The following CMIP variants were observed in gnomAD, a reference collection of about 807,000 sequenced individuals.
The protein encoded by CMIP is c-Maf inducing protein, also known as C-Maf-inducing protein.
Under a neutral mutation model 97.3 loss-of-function variants are expected in CMIP, and 13 were observed. The observed-to-expected ratio is 0.13, with a 90% CI of 0.09 to 0.21. CMIP has a LOEUF of 0.21. Among genes scored for constraint, CMIP ranks in the 10% least tolerant of loss-of-function variants. CMIP has a pLI of 1.00. For synonymous variants in CMIP, 538 were observed against 436.3 expected (o/e 1.23, Z -2.91); for missense variants, 847 against 1,024.9 (o/e 0.83, Z 2.37).
intron 1 of CMIP, among the ~76,000 whole-genome samples, chr16:81,586,108 T>C (rs964589432): frequency 4.2e-5 from 6 of 143,948 alleles, no homozygotes; most frequent in African/African-American, 1.5e-4. Context: ...CTTTTTTTTT[T>C]CCAGAAAGGA....
At chr16:81,694,379 A>G (rs769643573) in intron 13 of CMIP, among the ~76,000 whole-genome samples, 5 of 152,182 alleles carry the variant, frequency 3.3e-5, no homozygotes, top group Non-Finnish European at 5.9e-5. Flanking sequence ...GTTCCTCTCC[A>G]TAGAGCCATC....
chr16:81,568,770 G>A (rs570912939), intron 1 of CMIP, among the ~76,000 whole-genome samples: 8 of 152,332 alleles, frequency 5.3e-5, no homozygotes, highest in East Asian at 1.9e-4. Flanking sequence ...ACCCTTGAGC[G>A]TGGAAAAGCA....
intron 1 of CMIP, among the ~76,000 whole-genome samples, chr16:81,525,552 A>G (rs939685938): frequency 6.6e-6 from 1 of 152,166 alleles, no homozygotes; most frequent in East Asian, 1.9e-4. Context: ...GAGTATGGCT[A>G]TGTTGCCCAG....
At chr16:81,609,886 C>G (rs1272341974) in intron 2 of CMIP, among the ~76,000 whole-genome samples, 1 of 152,176 alleles carries the variant, frequency 6.6e-6, no homozygotes, top group Non-Finnish European at 1.5e-5. Context: ...CCTTGCCAGC[C>G]AAGTGAAGAA....
At chr16:81,485,772 T>TA (rs1421662110) in intron 1 of CMIP, among the ~76,000 whole-genome samples, 1 of 152,174 alleles carries the variant, frequency 6.6e-6, no homozygotes. Flanking sequence ...GTGAAATAGG[T>TA]AGTCTTATTC....
At chr16:81,571,758 G>A (rs1450467959) in intron 1 of CMIP, among the ~76,000 whole-genome samples, 1 of 152,186 alleles carries the variant, frequency 6.6e-6, no homozygotes, top group East Asian at 1.9e-4. Context: ...GTCCCATTCA[G>A]CACCATGGCT....
At chr16:81,691,712 A>G in intron 10 of CMIP, 63 bp from the exon 11 acceptor site, 1 of 1,466,038 alleles carries the variant, frequency 6.8e-7, no homozygotes, top group Non-Finnish European at 9.5e-7. Context: ...TCTGGGACCA[A>G]AAACAGTGCC....
At chr16:81,568,706 G>C (rs542225830) in intron 1 of CMIP, among the ~76,000 whole-genome samples, 13 of 152,352 alleles carry the variant, frequency 8.5e-5, no homozygotes, top group African/African-American at 3.1e-4. Flanking sequence ...TTCTGTTCAA[G>C]AAGACAGAAA....
chr16:81,639,835 C>A (rs1452264463), intron 3 of CMIP, among the ~76,000 whole-genome samples: 1 of 152,196 alleles, frequency 6.6e-6, no homozygotes, highest in East Asian at 1.9e-4. Context: ...GAATTCTAAG[C>A]CCCTTGGGTG....
chr16:81,684,660 C>T (rs527896451), intron 10 of CMIP, among the ~76,000 whole-genome samples: 37 of 152,216 alleles, frequency 2.4e-4, no homozygotes, highest in Non-Finnish European at 4.4e-4. Flanking sequence ...TCTGGACCTC[C>T]GTTTCTCATC....
At chr16:81,478,551 A>C (rs1245227082) in intron 1 of CMIP, among the ~76,000 whole-genome samples, 2 of 152,158 alleles carry the variant, frequency 1.3e-5, no homozygotes, top group Admixed American at 6.5e-5. Flanking sequence ...TTGAGGAATT[A>C]TGGAAGGGAT....
intron 10 of CMIP, among the ~76,000 whole-genome samples, chr16:81,686,909 C>G (rs757341938): frequency 1.3e-5 from 2 of 152,136 alleles, no homozygotes; most frequent in Admixed American, 1.3e-4. Context: ...CTGCCCAGCC[C>G]GGGTCTGAGC....
At chr16:81,681,353 G>T (rs946673855) in intron 10 of CMIP, among the ~76,000 whole-genome samples, 6 of 152,198 alleles carry the variant, frequency 3.9e-5, no homozygotes, top group Non-Finnish European at 1.5e-5. Flanking sequence ...AGTGAGATAC[G>T]TCAGGAAAGG....
At chr16:81,626,895 C>T (rs1343368203) in intron 3 of CMIP, among the ~76,000 whole-genome samples, 1 of 116,652 alleles carries the variant, frequency 8.6e-6, no homozygotes, top group African/African-American at 3.4e-5. Context: ...GTGTGTGTGG[C>T]CTGTGGGGTG....
intron 7 of CMIP, among the ~76,000 whole-genome samples, chr16:81,669,443 ACCT>A (rs370647239): frequency 3.0e-4 from 18 of 59,702 alleles, no homozygotes; most frequent in African/African-American, 1.2e-3. Context: ...CACCCCTCTC[ACCT>A]CCTTCCACAT....
intron 1 of CMIP, among the ~76,000 whole-genome samples, chr16:81,498,442 C>A (rs57072384): frequency 0.06 from 9,178 of 152,276 alleles, 932 homozygotes; most frequent in African/African-American, 0.21. Context: ...CCGAGTCCCC[C>A]TGGGGCTGCT....
intron 15 of CMIP, 108 bp from the exon 16 acceptor site, chr16:81,701,552 G>A: frequency 6.8e-7 from 1 of 1,479,180 alleles, no homozygotes. Context: ...CTGCAGAAAG[G>A]GGATAGTGGG....
intron 1 of CMIP, among the ~76,000 whole-genome samples, chr16:81,504,119 A>C (rs1421458341): frequency 6.6e-6 from 1 of 152,206 alleles, no homozygotes; most frequent in Non-Finnish European, 1.5e-5. Context: ...TGGGGTCAGA[A>C]GTTTGAGACC....
chr16:81,483,583 C>T (rs866751076), intron 1 of CMIP, among the ~76,000 whole-genome samples: 1 of 151,566 alleles, frequency 6.6e-6, no homozygotes, highest in African/African-American at 2.4e-5. Context: ...CTTCCTCTTC[C>T]TCTTCCTCTT....
Sources: allele counts gnomAD v4.1 joint callset (sites outside exome capture counted in the v4.1 genomes callset), GRCh38; gene constraint gnomAD v4.1.1; transcripts MANE v1.5; gene names NCBI Gene and HGNC (gene_info 2026-07-23, HGNC 2026-07-21).